The following HAT1 variants were observed in gnomAD, a reference collection of about 807,000 sequenced individuals.
HAT1 encodes histone acetyltransferase type B catalytic subunit.
A neutral mutation model predicts 56.6 loss-of-function variants in HAT1; 20 were observed. The ratio of observed to expected loss-of-function variants is 0.35; its 90% CI spans 0.25 to 0.51. The LOEUF (loss-of-function observed/expected upper bound fraction) is 0.51, where lower values mean the gene tolerates loss of function less well. Among genes scored for constraint, HAT1 ranks in the 20% least tolerant of loss-of-function variants. The pLI, the probability that HAT1 is intolerant of heterozygous loss-of-function variation, is 0.95. For missense variants in HAT1, 408 were observed against 504.3 expected (o/e 0.81, Z 1.83); for synonymous variants, 146 against 165.5 (o/e 0.88, Z 0.91).
chr2:171,955,491 A>G (rs1644069873), intron 4 of HAT1, among the ~76,000 whole-genome samples: 1 of 151,858 alleles, frequency 6.6e-6, no homozygotes, highest in South Asian at 2.1e-4. Context: ...GGCACATGTA[A>G]TCCCAGCAAC....
At chr2:171,982,669 A>G (rs1389905427) in intron 10 of HAT1, among the ~76,000 whole-genome samples, 2 of 152,214 alleles carry the variant, frequency 1.3e-5, no homozygotes, top group Admixed American at 6.5e-5. Flanking sequence ...GCTATTTAAT[A>G]TATTTTTAAA....
chr2:171,925,424 G>C (rs1405280324), intron 1 of HAT1, 113 bp from the exon 2 acceptor site: 2 of 597,732 alleles, frequency 3.3e-6, no homozygotes, highest in Non-Finnish European at 6.1e-6. Context: ...GTGCTTTTAT[G>C]ATCTATCAGC....
chr2:171,953,626 T>A (rs199739681), intron 4 of HAT1, among the ~76,000 whole-genome samples: 1 of 84,630 alleles, frequency 1.2e-5, no homozygotes, highest in African/African-American at 5.3e-5. Context: ...CCCTGTCTCT[T>A]AAAAAAAAAA....
intron 8 of HAT1, among the ~76,000 whole-genome samples, chr2:171,970,503 T>C (rs1214988234): frequency 1.3e-4 from 1 of 7,546 alleles, no homozygotes; most frequent in African/African-American, 2.4e-4. Context: ...TTTCTTTTTT[T>C]TTTTTTTTTT....
At chr2:171,982,920 G>T (rs1444034389) in intron 10 of HAT1, among the ~76,000 whole-genome samples, 1 of 152,034 alleles carries the variant, frequency 6.6e-6, no homozygotes, top group Non-Finnish European at 1.5e-5. Flanking sequence ...TTTGGAGGGG[G>T]CTGCTAGTCA....
In HAT1 at chr2:171,983,324, G is replaced by A. The variant is rs746720201; in HGVS notation, c.1232G>A (p.Arg411His). 7 of 1,608,732 alleles carry A rather than the reference G, an allele frequency of 4.4e-6. No individual in the cohort carries two copies. Among genetic ancestry groups the A allele is most frequent in the African/African-American group, 1.3e-5 (1 of 74,768 alleles). Reference protein sequence around the residue: ...SFQELVEDYRRVIERLAQE With the variant: ...SFQELVEDYRHVIERLAQE ...CAGGAACTAGTGGAAGATTACCGGC[G>A]TGTTATTGAACGACTTGCTCAAGAG... is the stretch of plus-strand genomic sequence containing the variant. Residue 411 changes from arginine (R) to histidine (H), a missense_variant, in exon 11 of 11, where the codon CGT (arginine) becomes CAT (histidine). Transcript: ENST00000264108.
At chr2:171,945,281 C>A (rs749347582) in intron 2 of HAT1, among the ~76,000 whole-genome samples, 1 of 151,872 alleles carries the variant, frequency 6.6e-6, no homozygotes, top group East Asian at 1.9e-4. Context: ...GTACTCACAA[C>A]AAATACAAAT....
At chr2:171,941,799 C>T (rs1211203447) in intron 2 of HAT1, among the ~76,000 whole-genome samples, 5 of 152,188 alleles carry the variant, frequency 3.3e-5, no homozygotes, top group African/African-American at 7.2e-5. Flanking sequence ...GGCCACAAAC[C>T]GATACATGGT....
At chr2:171,953,854 G>A (rs1218729632) in intron 4 of HAT1, among the ~76,000 whole-genome samples, 1 of 151,794 alleles carries the variant, frequency 6.6e-6, no homozygotes, top group African/African-American at 2.4e-5. Context: ...AATTAGCTGG[G>A]CGTGGTGGTA....
chr2:171,962,308 T>C lies in HAT1; in HGVS notation c.310-3030T>C, dbSNP rs935022597. Among the ~76,000 whole-genome samples the C allele has an allele frequency of 3.3e-5, 5 of 152,342 alleles. No homozygotes were observed. In the East Asian group the frequency reaches 9.6e-4, roughly 29 times the overall value. ...ACCAGAATATCTAACTAGAATACTTTTGCACTTTCCTTTTTAAAAATAAAT... is the reference window on the plus strand; with the variant it reads ...ACCAGAATATCTAACTAGAATACTTCTGCACTTTCCTTTTTAAAAATAAAT... On this transcript the variant is annotated intron_variant, in intron 4 of 10. Coordinates refer to ENST00000264108, the MANE Select transcript of HAT1 (RefSeq NM_003642.4).
At chr2:171,930,844 G>A (rs1039937009) in intron 2 of HAT1, among the ~76,000 whole-genome samples, 3 of 151,718 alleles carry the variant, frequency 2.0e-5, no homozygotes, top group Non-Finnish European at 2.9e-5. Context: ...TGAACTCCTG[G>A]GCTCAAGCAA....
At chr2:171,935,033 G>T (rs1306775263) in intron 2 of HAT1, among the ~76,000 whole-genome samples, 1 of 151,472 alleles carries the variant, frequency 6.6e-6, no homozygotes, top group African/African-American at 2.4e-5. Flanking sequence ...TGGGATTACA[G>T]GCGTGAGCCA....
intron 2 of HAT1, among the ~76,000 whole-genome samples, chr2:171,941,483 G>T (rs1687017330): frequency 6.6e-6 from 1 of 152,118 alleles, no homozygotes; most frequent in Non-Finnish European, 1.5e-5. Flanking sequence ...TGGTCTCTTT[G>T]CAGTCAAACC....
intron 1 of HAT1, 129 bp downstream of exon 1, chr2:171,922,636 G>A: frequency 1.3e-6 from 1 of 745,064 alleles, no homozygotes; most frequent in East Asian, 3.1e-5. Flanking sequence ...GCCTGCTTGG[G>A]ACCGGAAGCG....
At chr2:171,944,143 C>CAA (rs36067235) in intron 2 of HAT1, among the ~76,000 whole-genome samples, 3 of 138,092 alleles carry the variant, frequency 2.2e-5, no homozygotes, top group Admixed American at 7.4e-5. Flanking sequence ...AACCCTGTCT[C>CAA]AAAAAAAAAA....
chr2:171,982,979 A>G (rs781206793), intron 10 of HAT1, among the ~76,000 whole-genome samples: 1 of 152,082 alleles, frequency 6.6e-6, no homozygotes, highest in Non-Finnish European at 1.5e-5. Context: ...TCTTCTTGTT[A>G]ACTCTTTTTA....
intron 2 of HAT1, among the ~76,000 whole-genome samples, chr2:171,927,087 A>G (rs945847436): frequency 1.3e-5 from 2 of 152,262 alleles, no homozygotes; most frequent in Non-Finnish European, 2.9e-5. Context: ...ATGTTCAGAA[A>G]AGACACATCC....
At chr2:171,962,744 G>A (rs1687603654) in intron 4 of HAT1, among the ~76,000 whole-genome samples, 2 of 152,226 alleles carry the variant, frequency 1.3e-5, no homozygotes, top group South Asian at 4.1e-4. Context: ...GGTGTGTCTA[G>A]TCAGCTGAAT....
chr2:171,971,907 A>T (rs1687823744), intron 8 of HAT1, among the ~76,000 whole-genome samples: 2 of 152,210 alleles, frequency 1.3e-5, no homozygotes, highest in South Asian at 4.1e-4. Flanking sequence ...TGGAGGCTTC[A>T]GAGTGGACTG....
Sources: gnomAD v4.1 joint callset for allele counts (sites outside exome capture counted in the v4.1 genomes callset) on GRCh38, gnomAD v4.1.1 for gene constraint, MANE v1.5 for transcripts, NCBI Gene and HGNC (gene_info 2026-07-23, HGNC 2026-07-21) for gene names.